CCDC57: variants seen among roughly 807,000 people sequenced by gnomAD.
The protein encoded by CCDC57 is coiled-coil domain-containing protein 57.
In CCDC57, 118 loss-of-function variants were observed where a neutral mutation model predicts 118.9. That is an observed-to-expected ratio of 0.99 (90% CI 0.86 to 1.16). The LOEUF is 1.16. Ranked by LOEUF, CCDC57 falls within the 50% of genes most tolerant of loss-of-function variation. CCDC57 has a pLI of 0.00. For synonymous variants in CCDC57, 527 were observed against 532.9 expected (o/e 0.99, Z 0.15); for missense variants, 1,300 against 1,320.7 (o/e 0.98, Z 0.24).
chr17:82,127,406 G>A, intron 19 of CCDC57: 1 of 978,270 alleles, frequency 1.0e-6, no homozygotes, highest in Non-Finnish European at 1.2e-6. Flanking sequence ...AAGTCAGCCT[G>A]CGCCCGGGTG....
Position 82,103,833 on chromosome 17 carries a change from AGGG to A in CCDC57, c.2900-1970_2900-1968del, listed in dbSNP as rs1434386558. 1.8e-3 allele frequency among the ~76,000 whole-genome samples: 117 copies of A among 65,132 alleles called. 4 individuals are homozygous for A. The South Asian group carries it at 0.047, about 26-fold the overall frequency. 42.7% of individuals were successfully genotyped at this position (65,132 alleles called of 152,430 possible). On this transcript the variant is annotated intron_variant, in intron 19 of 19. Coordinates refer to ENST00000665763, the Ensembl canonical transcript of CCDC57. ...GTGGGTCACAGTCCCCGGGGCAGGG[AGGG>A]GCAGGGAGGGGCAGGGAGGGTGAGC...
chr17:82,160,438 G>T (rs532890416), intron 14 of CCDC57: 2 of 150,336 alleles, frequency 1.3e-5, no homozygotes, highest in African/African-American at 4.9e-5. Flanking sequence ...AGGCAGACAG[G>T]CCAGGTGCAG....
exon 15 of CCDC57, chr17:82,157,925 C>G (rs778553453): frequency 1.7e-5 from 27 of 1,558,400 alleles, no homozygotes; most frequent in East Asian, 2.4e-5. Context: ...GGAGAGCGGC[C>G]GGCTCCAGGG....
rs534252970 is a variant in CCDC57, at chr17:82,212,741, C to CCCCACGCCTCCCACGCCT, written c.-211+26_-211+43dup. ...CAGGAAGAGTGGTCGGAGCGGCGCC[C>CCCCACGCCTCCCACGCCT]CCCACGCCTCCCACGCCTCCCACGC... On this transcript the variant is annotated intron_variant, in intron 1 of 19. Coordinates refer to ENST00000665763, the Ensembl canonical transcript of CCDC57. The surrounding 1 kb of genome is among the most constrained non-coding windows in gnomAD (Gnocchi z 4.1). 0.32 allele frequency: 47,930 copies of CCCCACGCCTCCCACGCCT among 151,210 alleles called. 8,880 individuals are homozygous for CCCCACGCCTCCCACGCCT. Among genetic ancestry groups the CCCCACGCCTCCCACGCCT allele is most frequent in the African/African-American group, 0.51 (20,987 of 40,968 alleles). 9.4% of individuals were successfully genotyped at this position (151,210 alleles called of 1,614,324 possible). A position where few individuals can be genotyped will look rare whatever the true frequency, so the allele number is the denominator to read the frequency against.
At chr17:82,202,201 T>C (rs1418470662) in intron 2 of CCDC57, among the ~76,000 whole-genome samples, 1 of 152,096 alleles carries the variant, frequency 6.6e-6, no homozygotes, top group East Asian at 1.9e-4. Flanking sequence ...GTGCAGTGGC[T>C]CACGCCTGTA....
intron 19 of CCDC57, among the ~76,000 whole-genome samples, chr17:82,121,099 G>A (rs539208103): frequency 6.6e-6 from 1 of 152,152 alleles, no homozygotes; most frequent in Non-Finnish European, 1.5e-5. Flanking sequence ...AGAAATACCA[G>A]CCGTTGCCAG....
chr17:82,121,748 C>T (rs1373169615), intron 19 of CCDC57, among the ~76,000 whole-genome samples: 2 of 152,218 alleles, frequency 1.3e-5, no homozygotes, highest in South Asian at 2.1e-4. Flanking sequence ...CCGTGCATGC[C>T]GCCTGCTGAG....
intron 17 of CCDC57, among the ~76,000 whole-genome samples, chr17:82,129,957 G>C (rs1203490279): frequency 6.6e-6 from 1 of 151,986 alleles, no homozygotes; most frequent in Non-Finnish European, 1.5e-5. Context: ...AGCACTTTGG[G>C]AGGCCGAGGT....
At chr17:82,141,080 C>T (rs1051511191) in intron 16 of CCDC57, among the ~76,000 whole-genome samples, 1 of 151,364 alleles carries the variant, frequency 6.6e-6, no homozygotes, top group Non-Finnish European at 1.5e-5. Context: ...GTGTGATCTC[C>T]ACTCACTGCA....
At chr17:82,203,397 G>A (rs1300240089) in intron 2 of CCDC57, among the ~76,000 whole-genome samples, 1 of 152,046 alleles carries the variant, frequency 6.6e-6, no homozygotes, top group Non-Finnish European at 1.5e-5. Context: ...ATGTGAGAAT[G>A]GTCTAATATA....
intron 11 of CCDC57, 125 bp downstream of exon 10, chr17:82,178,349 A>G: frequency 8.9e-7 from 1 of 1,124,442 alleles, no homozygotes; most frequent in Non-Finnish European, 1.2e-6. Context: ...TTTGTGCAAC[A>G]GGTCATTTAA....
intron 16 of CCDC57, among the ~76,000 whole-genome samples, chr17:82,151,072 CGCACACTCAGAACCTGGT>C (rs1490229210): frequency 1.6e-4 from 16 of 99,584 alleles, no homozygotes; most frequent in Non-Finnish European, 2.5e-4. Context: ...CAGAACCAGG[CGCACACTCAGAACCTGGT>C]GCACACCCAG....
chr17:82,109,811 C>T (rs1264019892), intron 19 of CCDC57, among the ~76,000 whole-genome samples: 5 of 151,330 alleles, frequency 3.3e-5, no homozygotes, highest in East Asian at 3.9e-4. Flanking sequence ...GAGCTGAGAT[C>T]GCGCCACCGC....
chr17:82,172,922 G>A lies in CCDC57; in HGVS notation c.1507-62C>T. On this transcript the variant is annotated intron_variant, in intron 11 of 19. Coordinates refer to ENST00000665763, the Ensembl canonical transcript of CCDC57. The surrounding 1 kb of genome is among the most constrained non-coding windows in gnomAD (Gnocchi z 5.2). ...AATGGTTCCCCAGCTTGTCCTGACA[G>A]GCTGTGCCTCCGCTCTCCCCGCGCC... is the stretch of plus-strand genomic sequence containing the variant. 5 of 1,447,616 alleles carry A rather than the reference G, an allele frequency of 3.5e-6. No homozygotes were observed. The highest frequency in any genetic ancestry group is 4.8e-6 in the Non-Finnish European group (5 of 1,051,514). 89.7% of individuals were successfully genotyped at this position (1,447,616 alleles called of 1,614,324 possible).
chr17:82,159,886 G>T (rs1327826092), intron 14 of CCDC57, among the ~76,000 whole-genome samples: 2 of 151,880 alleles, frequency 1.3e-5, no homozygotes, highest in Admixed American at 6.6e-5. Flanking sequence ...GGCCAAGATG[G>T]TCTCAATCTC....
Position 82,110,222 on chromosome 17 carries a change from C to A in CCDC57, c.2900-8356G>T, listed in dbSNP as rs571393766. On this transcript the variant is annotated intron_variant, in intron 19 of 19. Transcript: ENST00000665763. ...TCTTGAACTCCTGACCTCAAGTGAT[C>A]CACCCTCCTCGGCCTCCAAAATGCT... 2.0e-5 allele frequency among the ~76,000 whole-genome samples: 3 copies of A among 152,168 alleles called. No individual in the cohort carries two copies. In the South Asian group the frequency reaches 6.2e-4, roughly 32 times the overall value.
At chr17:82,131,282 T>A (rs1380345383) in intron 17 of CCDC57, among the ~76,000 whole-genome samples, 1 of 150,658 alleles carries the variant, frequency 6.6e-6, no homozygotes, top group Admixed American at 6.6e-5. Context: ...AATACAAAAA[T>A]TAACTGTGTC....
At chr17:82,103,590 TCTC>T (rs1208485278) in intron 19 of CCDC57, among the ~76,000 whole-genome samples, 1 of 152,226 alleles carries the variant, frequency 6.6e-6, no homozygotes, top group Non-Finnish European at 1.5e-5. Flanking sequence ...CCCTGAGGCA[TCTC>T]CTCAAACCCA....
chr17:82,188,264 C>G, exon 8 of CCDC57: 1 of 1,570,212 alleles, frequency 6.4e-7, no homozygotes, highest in Non-Finnish European at 8.6e-7. Context: ...AGCCTGTCTC[C>G]ACTCTGCCCT....
Sources: allele counts gnomAD v4.1 joint callset (sites outside exome capture counted in the v4.1 genomes callset), GRCh38; gene constraint gnomAD v4.1.1; non-coding constraint Gnocchi (gnomAD v3.1); transcripts MANE v1.5; gene names NCBI Gene and HGNC (gene_info 2026-07-23, HGNC 2026-07-21).